EIF4E3: variants seen among roughly 807,000 people sequenced by gnomAD.
EIF4E3 encodes eukaryotic translation initiation factor 4E type 3.
Under a neutral mutation model 31.7 loss-of-function variants are expected in EIF4E3, and 26 were observed. The ratio of observed to expected loss-of-function variants is 0.82; its 90% CI spans 0.60 to 1.14. EIF4E3 has a LOEUF of 1.14. Among genes scored for constraint, EIF4E3 ranks in the 50% most tolerant of loss-of-function variants. The pLI is 0.00. For synonymous variants in EIF4E3, 128 were observed against 107.7 expected (o/e 1.19, Z -1.17); for missense variants, 304 against 270.9 (o/e 1.12, Z -0.86).
intron 1 of EIF4E3, among the ~76,000 whole-genome samples, chr3:71,748,266 C>G (rs564685531): frequency 6.6e-6 from 1 of 152,162 alleles, no homozygotes; most frequent in South Asian, 2.1e-4. Context: ...GTGAAACCTG[C>G]ATATATGAAG....
chr3:71,675,059 T>C (rs2048865695), downstream of EIF4E3, among the ~76,000 whole-genome samples: 1 of 152,202 alleles, frequency 6.6e-6, no homozygotes, highest in Admixed American at 6.5e-5. Flanking sequence ...CCCTGTACTC[T>C]TAAGTGGCAA....
At chr3:71,725,503 C>T (rs1445402595), upstream of EIF4E3, 4 of 383,072 alleles carry the variant, frequency 1.0e-5, no homozygotes, top group African/African-American at 2.5e-5. The surrounding 1 kb of genome is among the most constrained non-coding windows in gnomAD (Gnocchi z 6.1). Flanking sequence ...GCCCGCCGCC[C>T]GCCGCCCGCC....
At chr3:71,724,421 G>A (rs1263746998) in intron 1 of EIF4E3, among the ~76,000 whole-genome samples, 1 of 152,200 alleles carries the variant, frequency 6.6e-6, no homozygotes, top group Non-Finnish European at 1.5e-5. Context: ...TAAGCATTAG[G>A]AAGAAAAAGA....
Position 71,678,638 on chromosome 3 carries a change from T to G in EIF4E3, c.*6044A>C, listed in dbSNP as rs1277764285. The G allele has an allele frequency of 6.6e-6, 1 of 151,842 alleles. No homozygotes were observed. The highest frequency in any genetic ancestry group is 1.5e-5 in the Non-Finnish European group (1 of 67,982). The allele number at this position is 151,842 out of a possible 1,614,324, so 9.4% of individuals were successfully genotyped here. ...ACCTTAAAAATACTGAGCAAATCAC[T>G]AGATGAAGCCAGATCAAAAGGAAGG... On this transcript the variant is annotated 3_prime_UTR_variant, in exon 7 of 7. Coordinates refer to ENST00000425534, the MANE Select transcript of EIF4E3 (RefSeq NM_001134651.2).
chr3:71,663,822 G>A, the EIF4E3 span, among the ~76,000 whole-genome samples: 2 of 152,208 alleles, frequency 1.3e-5, no homozygotes, highest in African/African-American at 2.4e-5. Context: ...CATGGTGTCC[G>A]CCATCACCTA....
intron 6 of EIF4E3, 114 bp from the exon 7 acceptor site, chr3:71,684,842 T>C (rs1206666811): frequency 1.0e-6 from 1 of 963,222 alleles, no homozygotes; most frequent in Non-Finnish European, 1.5e-6. Context: ...TGGCAAGAAC[T>C]CAAACACCTT....
At chr3:71,689,642 T>A (rs1378428987) in intron 6 of EIF4E3, among the ~76,000 whole-genome samples, 2 of 152,208 alleles carry the variant, frequency 1.3e-5, no homozygotes, top group East Asian at 1.9e-4. Flanking sequence ...TATGAAGGGA[T>A]GATTGAATAT....
intron 1 of EIF4E3, among the ~76,000 whole-genome samples, chr3:71,740,922 G>A (rs761293243): frequency 2.6e-5 from 4 of 152,034 alleles, no homozygotes; most frequent in Non-Finnish European, 5.9e-5. Context: ...GGATCACAAC[G>A]TCAGGAGATC....
chr3:71,744,562 T>G (rs1161923947), intron 1 of EIF4E3, among the ~76,000 whole-genome samples: 2 of 152,148 alleles, frequency 1.3e-5, no homozygotes, highest in East Asian at 3.9e-4. Flanking sequence ...CTGATCAACA[T>G]GGTGAAACCC....
chr3:71,730,168 T>TCCCAGAAAG (rs2049690239), upstream of EIF4E3, among the ~76,000 whole-genome samples: 2 of 152,170 alleles, frequency 1.3e-5, no homozygotes, highest in African/African-American at 4.8e-5. Context: ...AGGGGAGACT[T>TCCCAGAAAG]GACACTATTC....
At position 71,676,627 on chromosome 3, in the gene EIF4E3, T is replaced by C. The variant is rs1394510811; in HGVS notation, c.*8055A>G. 4 of 152,150 alleles carry C rather than the reference T, an allele frequency of 2.6e-5. No homozygotes were observed. Among genetic ancestry groups the C allele is most frequent in the South Asian group, 2.1e-4 (1 of 4,822 alleles). The allele number at this position is 152,150 out of a possible 1,614,324, so 9.4% of individuals were successfully genotyped here. ...TTTTAAAAATACTTCTTAAAATGTA[T>C]TTTACAATGAAAACTTTGCCATATC... On this transcript the variant is annotated 3_prime_UTR_variant, in exon 7 of 7. Coordinates refer to ENST00000425534, the MANE Select transcript of EIF4E3 (RefSeq NM_001134651.2).
chr3:71,700,401 T>C (rs549484032), intron 2 of EIF4E3, among the ~76,000 whole-genome samples: 1 of 152,218 alleles, frequency 6.6e-6, no homozygotes, highest in Admixed American at 6.5e-5. Flanking sequence ...TTTATAACTA[T>C]TTTGTTACAA....
At chr3:71,715,424 C>T (rs996333777) in intron 1 of EIF4E3, among the ~76,000 whole-genome samples, 3 of 152,224 alleles carry the variant, frequency 2.0e-5, no homozygotes, top group African/African-American at 4.8e-5. Flanking sequence ...CCTCCTCTCT[C>T]GGAATTCCCC....
chr3:71,717,393 TC>T (rs887321755), intron 1 of EIF4E3, among the ~76,000 whole-genome samples: 24 of 152,342 alleles, frequency 1.6e-4, no homozygotes, highest in African/African-American at 5.8e-4. Flanking sequence ...GCATTTGTCA[TC>T]ACCCAAAGAC....
rs575352080 is a variant in EIF4E3, at chr3:71,675,809, A to G, written c.*8873T>C. ...AGGAATCTCAAAATTCTTGCACATC[A>G]TATCTTCAACTTCCACCAAGGCAGC... On this transcript the variant is annotated 3_prime_UTR_variant, in exon 7 of 7. Coordinates refer to ENST00000425534, the MANE Select transcript of EIF4E3 (RefSeq NM_001134651.2). 6.6e-6 allele frequency: 1 copy of G among 152,314 alleles called. No homozygotes were observed. Among genetic ancestry groups the G allele is most frequent in the South Asian group, 2.1e-4 (1 of 4,830 alleles). The allele number at this position is 152,314 out of a possible 1,614,324, so 9.4% of individuals were successfully genotyped here.
intron 1 of EIF4E3, among the ~76,000 whole-genome samples, chr3:71,720,669 A>T (rs754418202): frequency 4.0e-4 from 61 of 152,228 alleles, no homozygotes; most frequent in Non-Finnish European, 8.1e-4. Flanking sequence ...TGGCAGAGGA[A>T]CAGGGCAAAG....
At chr3:71,672,815 T>A (rs1029788674), downstream of EIF4E3, among the ~76,000 whole-genome samples, 10 of 152,126 alleles carry the variant, frequency 6.6e-5, no homozygotes, top group African/African-American at 1.9e-4. Flanking sequence ...TCCACACACG[T>A]CTTCTGGGTT....
At chr3:71,662,413 G>A in the EIF4E3 span, among the ~76,000 whole-genome samples, 3 of 152,190 alleles carry the variant, frequency 2.0e-5, no homozygotes, top group Non-Finnish European at 2.9e-5. Context: ...ATGAGCTAAT[G>A]CACACAAACA....
chr3:71,713,350 C>T (rs1176534470), intron 1 of EIF4E3, among the ~76,000 whole-genome samples: 1 of 152,224 alleles, frequency 6.6e-6, no homozygotes, highest in Non-Finnish European at 1.5e-5. Context: ...AAGCCATATA[C>T]ACACTTGCCT....
Sources: allele counts gnomAD v4.1 joint callset (sites outside exome capture counted in the v4.1 genomes callset), GRCh38; gene constraint gnomAD v4.1.1; non-coding constraint Gnocchi (gnomAD v3.1); transcripts MANE v1.5; gene names NCBI Gene and HGNC (gene_info 2026-07-23, HGNC 2026-07-21).